The following HS3ST4 variants were observed in gnomAD, a reference collection of about 807,000 sequenced individuals.
The protein encoded by HS3ST4 is heparan sulfate glucosamine 3-O-sulfotransferase 4.
HS3ST4 carries 17 observed loss-of-function variants against 29.2 expected under a neutral mutation model. The ratio of observed to expected loss-of-function variants is 0.58; its 90% CI spans 0.40 to 0.87. The LOEUF (loss-of-function observed/expected upper bound fraction) is 0.87. HS3ST4 is among the 40% of genes least tolerant of loss of function. The pLI, the probability that HS3ST4 is intolerant of heterozygous loss-of-function variation, is 0.00. For synonymous variants in HS3ST4, 314 were observed against 285.7 expected, an observed-to-expected ratio of 1.10 and a Z score of -1.00; for missense variants, 627 against 634.5, an observed-to-expected ratio of 0.99 and a Z score of 0.13.
chr16:25,896,695 A>T (rs1190989912), intron 1 of HS3ST4, among the ~76,000 whole-genome samples: 1 of 152,190 alleles, frequency 6.6e-6, no homozygotes, highest in Non-Finnish European at 1.5e-5. Context: ...GTGCACCCGT[A>T]TGTTCATTGC....
chr16:26,133,498 T>C (rs1342945125), intron 1 of HS3ST4, among the ~76,000 whole-genome samples: 2 of 152,174 alleles, frequency 1.3e-5, no homozygotes, highest in Non-Finnish European at 2.9e-5. Context: ...TTCAAACTAC[T>C]TTGGAGAATA....
intron 1 of HS3ST4, among the ~76,000 whole-genome samples, chr16:25,716,120 G>A (rs55696420): frequency 0.48 from 73,691 of 152,048 alleles, 19,834 homozygotes; most frequent in East Asian, 0.66. Context: ...TTTATGTGTC[G>A]CTTACTGCAA....
chr16:25,752,695 A>T (rs1966729961), intron 1 of HS3ST4, among the ~76,000 whole-genome samples: 1 of 152,180 alleles, frequency 6.6e-6, no homozygotes, highest in African/African-American at 2.4e-5. Flanking sequence ...AGTATTGAGT[A>T]TTTGTCTTCC....
At position 25,878,463 on chromosome 16, in the gene HS3ST4, A is replaced by G. The variant is rs577311520; in HGVS notation, c.734+185312A>G. Among the ~76,000 whole-genome samples the G allele has an allele frequency of 5.4e-4, 82 of 152,276 alleles. 2 individuals carry two copies. The South Asian group carries it at 0.015, about 27-fold the overall frequency. ...GTACCCAAACTTACAATGAAAAGCA[A>G]AGCAGAACAGAAATCTCACCTCCAT... is the stretch of plus-strand genomic sequence containing the variant. On this transcript the variant is annotated intron_variant, in intron 1 of 1. Transcript: ENST00000331351.
intron 1 of HS3ST4, among the ~76,000 whole-genome samples, chr16:26,060,582 G>T (rs1225776255): frequency 4.6e-5 from 7 of 152,130 alleles, no homozygotes; most frequent in Admixed American, 4.6e-4. Context: ...CTGACACTTA[G>T]CTGTGACAGG....
At chr16:26,043,971 AG>A (rs1898235654) in intron 1 of HS3ST4, among the ~76,000 whole-genome samples, 1 of 152,234 alleles carries the variant, frequency 6.6e-6, no homozygotes, top group South Asian at 2.1e-4. Context: ...GTCTTCAGCT[AG>A]GATCCTCCCT....
At chr16:26,134,903 A>G (rs778237489) in intron 1 of HS3ST4, among the ~76,000 whole-genome samples, 10 of 152,228 alleles carry the variant, frequency 6.6e-5, no homozygotes, top group Non-Finnish European at 1.0e-4. Flanking sequence ...AGCAGCCTAG[A>G]TGAATATGTA....
intron 1 of HS3ST4, among the ~76,000 whole-genome samples, chr16:26,015,839 G>C (rs1969357728): frequency 6.6e-6 from 1 of 152,092 alleles, no homozygotes. Context: ...TTCCAATTTG[G>C]GGGGATTTAA....
intron 1 of HS3ST4, among the ~76,000 whole-genome samples, chr16:25,718,296 C>G (rs1596551975): frequency 6.6e-6 from 1 of 152,164 alleles, no homozygotes; most frequent in East Asian, 1.9e-4. Context: ...AGTGTTGATG[C>G]AGGCAGTGGC....
At chr16:26,048,692 G>A (rs985417064) in intron 1 of HS3ST4, among the ~76,000 whole-genome samples, 1 of 152,104 alleles carries the variant, frequency 6.6e-6, no homozygotes, top group East Asian at 1.9e-4. Flanking sequence ...AAATAGCCAG[G>A]TGTGGTGGTG....
chr16:26,125,149 T>C (rs912935157), intron 1 of HS3ST4, among the ~76,000 whole-genome samples: 1 of 152,236 alleles, frequency 6.6e-6, no homozygotes, highest in African/African-American at 2.4e-5. Context: ...GCTCTTCTGA[T>C]AGTCTGCTCT....
chr16:25,709,687 G>A (rs1966403163), intron 1 of HS3ST4, among the ~76,000 whole-genome samples: 1 of 151,830 alleles, frequency 6.6e-6, no homozygotes, highest in Non-Finnish European at 1.5e-5. Context: ...ACCGAGAGGG[G>A]AAGAATGGAA....
chr16:25,959,819 A>G (rs1453372903), intron 1 of HS3ST4, among the ~76,000 whole-genome samples: 1 of 152,012 alleles, frequency 6.6e-6, no homozygotes, highest in Non-Finnish European at 1.5e-5. Flanking sequence ...TTCTTGCTGT[A>G]TTAGTTCATG....
At chr16:25,884,763 G>A (rs932537977) in intron 1 of HS3ST4, among the ~76,000 whole-genome samples, 25 of 151,984 alleles carry the variant, frequency 1.6e-4, no homozygotes, top group African/African-American at 4.6e-4. Context: ...ATGGGGTTTC[G>A]CCATGTTGGT....
intron 1 of HS3ST4, among the ~76,000 whole-genome samples, chr16:25,748,543 A>C (rs1434511818): frequency 6.6e-6 from 1 of 152,210 alleles, no homozygotes; most frequent in Non-Finnish European, 1.5e-5. Flanking sequence ...CTCAGAATCA[A>C]AAAGCTCCAT....
At chr16:25,715,344 A>AC (rs1966446578) in intron 1 of HS3ST4, among the ~76,000 whole-genome samples, 2 of 6,048 alleles carry the variant, frequency 3.3e-4, no homozygotes, top group African/African-American at 5.9e-4. Flanking sequence ...AAAAAAAAAA[A>AC]ACCAAAAAAA....
intron 1 of HS3ST4, among the ~76,000 whole-genome samples, chr16:26,028,449 T>C (rs1236818251): frequency 6.6e-6 from 1 of 152,126 alleles, no homozygotes; most frequent in African/African-American, 2.4e-5. Context: ...AAAACAAAAC[T>C]ATTTATTTTG....
At chr16:25,898,381 C>T (rs1206385605) in intron 1 of HS3ST4, among the ~76,000 whole-genome samples, 1 of 152,154 alleles carries the variant, frequency 6.6e-6, no homozygotes, top group African/African-American at 2.4e-5. Context: ...TGATCATTTT[C>T]CTCCCTTTCT....
chr16:25,846,903 A>G (rs1967472145), intron 1 of HS3ST4, among the ~76,000 whole-genome samples: 1 of 151,864 alleles, frequency 6.6e-6, no homozygotes, highest in Non-Finnish European at 1.5e-5. Flanking sequence ...CCACTCATTC[A>G]TCTCTGTACT....
Sources: allele counts gnomAD v4.1 joint callset (sites outside exome capture counted in the v4.1 genomes callset), GRCh38; gene constraint gnomAD v4.1.1; transcripts MANE v1.5; gene names NCBI Gene and HGNC (gene_info 2026-07-23, HGNC 2026-07-21).